Variants in CNTN5 observed in about 807,000 individuals in gnomAD.
CNTN5 encodes contactin-5.
In CNTN5, 77 loss-of-function variants were observed where a neutral mutation model predicts 129.1. The observed-to-expected ratio is 0.60, with a 90% CI of 0.50 to 0.72. The LOEUF is 0.72. Among genes scored for constraint, CNTN5 ranks in the 30% least tolerant of loss-of-function variants. The pLI, the probability that CNTN5 is intolerant of heterozygous loss-of-function variation, is 0.00. For missense variants in CNTN5, 1,478 were observed against 1,328.8 expected (o/e 1.11, Z -1.75); for synonymous variants, 509 against 465.6 (o/e 1.09, Z -1.20).
chr11:100,343,746 C>A (rs1205369956), intron 23 of CNTN5, among the ~76,000 whole-genome samples: 1 of 152,048 alleles, frequency 6.6e-6, no homozygotes, highest in Admixed American at 6.6e-5. Context: ...TCTGAAGGTG[C>A]ACACTAATAT....
At chr11:100,066,833 C>CAAAAAA (rs34290071) in intron 10 of CNTN5, among the ~76,000 whole-genome samples, 2 of 124,960 alleles carry the variant, frequency 1.6e-5, no homozygotes, top group East Asian at 2.2e-4. Context: ...AGTCCTCTGC[C>CAAAAAA]AAAAAAAAAA....
intron 2 of CNTN5, among the ~76,000 whole-genome samples, chr11:99,431,056 T>A (rs1352186496): frequency 6.6e-6 from 1 of 151,632 alleles, no homozygotes; most frequent in Non-Finnish European, 1.5e-5. Flanking sequence ...TCAGCAATTT[T>A]AAAAGGCCTT....
chr11:99,730,100 TC>T (rs1259584944), intron 3 of CNTN5, among the ~76,000 whole-genome samples: 2 of 152,156 alleles, frequency 1.3e-5, no homozygotes, highest in Non-Finnish European at 2.9e-5. Context: ...CCCTCCTTGT[TC>T]CCATGCACTC....
At chr11:100,215,706 G>C (rs1949125346) in intron 15 of CNTN5, among the ~76,000 whole-genome samples, 1 of 152,078 alleles carries the variant, frequency 6.6e-6, no homozygotes, top group Non-Finnish European at 1.5e-5. Flanking sequence ...AGAGAAGCTG[G>C]GGATATTAAA....
At chr11:99,937,472 C>T (rs1433277847) in intron 7 of CNTN5, among the ~76,000 whole-genome samples, 1 of 152,162 alleles carries the variant, frequency 6.6e-6, no homozygotes, top group Non-Finnish European at 1.5e-5. Flanking sequence ...TGACCTCGCT[C>T]AATCAGCACA....
chr11:99,694,164 G>A (rs1298182705), intron 3 of CNTN5, among the ~76,000 whole-genome samples: 6 of 152,020 alleles, frequency 3.9e-5, no homozygotes, highest in South Asian at 2.1e-4. Context: ...ATCACAATAC[G>A]GCTCTGAAGC....
chr11:100,212,590 G>A (rs192255055), intron 15 of CNTN5, among the ~76,000 whole-genome samples: 95 of 152,224 alleles, frequency 6.2e-4, no homozygotes, highest in Non-Finnish European at 1.1e-3. Flanking sequence ...AGAGTTCTTT[G>A]TGTAGGCCCA....
rs151170418 is a variant in CNTN5 at position 99,856,533 on chromosome 11, C to T, written c.577+11271C>T. On this transcript the variant is annotated intron_variant, in intron 6 of 24. Transcript: ENST00000524871. ...TGTGATCAGAGTAACTTCTGTATGCCAGAGAGATGTTCTGCTCATTCCATG... is the reference window on the plus strand; with the variant it reads ...TGTGATCAGAGTAACTTCTGTATGCTAGAGAGATGTTCTGCTCATTCCATG... Among the ~76,000 whole-genome samples, 184 of 152,200 alleles carry T rather than the reference C, an allele frequency of 1.2e-3. 1 individual carries two copies. The highest frequency in any genetic ancestry group is 4.2e-3 in the African/African-American group (175 of 41,528).
At chr11:99,988,239 G>C (rs1177596385) in intron 8 of CNTN5, among the ~76,000 whole-genome samples, 1 of 152,228 alleles carries the variant, frequency 6.6e-6, no homozygotes, top group African/African-American at 2.4e-5. Flanking sequence ...ACTACAGTGA[G>C]AAAACAATCT....
chr11:99,891,937 A>G (rs576025977), intron 6 of CNTN5, among the ~76,000 whole-genome samples: 14 of 152,166 alleles, frequency 9.2e-5, no homozygotes, highest in African/African-American at 2.6e-4. Flanking sequence ...ACTAATTTAC[A>G]CTCCCAACAA....
intron 7 of CNTN5, among the ~76,000 whole-genome samples, chr11:99,922,144 A>C (rs1949954683): frequency 6.6e-6 from 1 of 152,190 alleles, no homozygotes; most frequent in Non-Finnish European, 1.5e-5. Context: ...TTATGGCAGA[A>C]AGTGAAGGAG....
chr11:99,611,497 G>A (rs937197556), intron 3 of CNTN5, among the ~76,000 whole-genome samples: 1 of 152,146 alleles, frequency 6.6e-6, no homozygotes, highest in Non-Finnish European at 1.5e-5. Flanking sequence ...TAAAATAAGA[G>A]TCAGTTCAAA....
At chr11:99,888,410 C>G (rs1172841784) in intron 6 of CNTN5, among the ~76,000 whole-genome samples, 1 of 152,102 alleles carries the variant, frequency 6.6e-6, no homozygotes, top group Non-Finnish European at 1.5e-5. Context: ...TGATACTACT[C>G]TAACAATATG....
intron 13 of CNTN5, among the ~76,000 whole-genome samples, chr11:100,092,076 C>T (rs1226389548): frequency 6.6e-6 from 1 of 150,966 alleles, no homozygotes; most frequent in Non-Finnish European, 1.5e-5. Flanking sequence ...TCATATTACT[C>T]AGATAAAGAG....
intron 8 of CNTN5, among the ~76,000 whole-genome samples, chr11:99,981,767 T>A (rs1013089022): frequency 1.3e-5 from 2 of 152,178 alleles, no homozygotes; most frequent in South Asian, 4.1e-4. Flanking sequence ...CATCATTCTA[T>A]GCCATAAGTA....
chr11:99,938,438 A>G lies in CNTN5; in HGVS notation c.674-18368A>G, dbSNP rs556746083. Among the ~76,000 whole-genome samples, 4 of 151,716 alleles carry G rather than the reference A, an allele frequency of 2.6e-5. No individual in the cohort carries two copies. The East Asian group carries it at 7.7e-4, about 29-fold the overall frequency. On this transcript the variant is annotated intron_variant, in intron 7 of 24. Coordinates refer to ENST00000524871, the MANE Select transcript of CNTN5 (RefSeq NM_014361.4). ...AAACGGTTACTATGTAATATTTGAGAGACAGATTTATTCTTGGAGCAATCA... is the reference window on the plus strand; with the variant it reads ...AAACGGTTACTATGTAATATTTGAGGGACAGATTTATTCTTGGAGCAATCA...
At position 99,929,818 on chromosome 11, in the gene CNTN5, G is replaced by A. The variant is rs12287341; in HGVS notation, c.673+13669G>A. ...CAAACCATATCACCTATTGTTACTG[G>A]TGGCAAGTCTGAACAGGGTCCTTGG... is the stretch of plus-strand genomic sequence containing the variant. On this transcript the variant is annotated intron_variant, in intron 7 of 24. Transcript: ENST00000524871. Among the ~76,000 whole-genome samples, 634 of 152,236 alleles carry A rather than the reference G, an allele frequency of 4.2e-3. 5 individuals carry two copies. The highest frequency in any genetic ancestry group is 0.015 in the African/African-American group (617 of 41,518).
intron 1 of CNTN5, among the ~76,000 whole-genome samples, chr11:99,042,303 G>A (rs1344368513): frequency 6.6e-6 from 1 of 150,576 alleles, no homozygotes; most frequent in African/African-American, 2.4e-5. Context: ...AACCATCATG[G>A]CACATGTATA....
At chr11:99,917,210 T>C (rs947480546) in intron 7 of CNTN5, among the ~76,000 whole-genome samples, 1 of 152,132 alleles carries the variant, frequency 6.6e-6, no homozygotes, top group Admixed American at 6.6e-5. Flanking sequence ...AGGGTAATTA[T>C]TGTTTGAGTT....
Sources: gnomAD v4.1 joint callset for allele counts (sites outside exome capture counted in the v4.1 genomes callset) on GRCh38, gnomAD v4.1.1 for gene constraint, MANE v1.5 for transcripts, NCBI Gene and HGNC (gene_info 2026-07-23, HGNC 2026-07-21) for gene names.